FRAS1: variants seen among roughly 807,000 people sequenced by gnomAD.
The protein encoded by FRAS1 is Fraser extracellular matrix complex subunit 1, also known as extracellular matrix organizing protein FRAS1.
FRAS1 carries 290 observed loss-of-function variants against 435.2 expected under a neutral mutation model. The observed-to-expected ratio is 0.67, with a 90% CI of 0.61 to 0.73. The LOEUF (loss-of-function observed/expected upper bound fraction) is 0.73, where lower values mean the gene tolerates loss of function less well. Ranked by LOEUF, FRAS1 falls within the 30% of genes least tolerant of loss-of-function variation. The probability of loss-of-function intolerance (pLI) is 0.00; values close to 1 mark genes in which losing one functional copy is unlikely to be tolerated. For synonymous variants in FRAS1, 1,800 were observed against 1,851.0 expected (o/e 0.97, Z 0.71); for missense variants, 4,860 against 5,001.5 (o/e 0.97, Z 0.85).
At chr4:78,144,975 A>G (rs894784598) in intron 2 of FRAS1, among the ~76,000 whole-genome samples, 9 of 152,206 alleles carry the variant, frequency 5.9e-5, no homozygotes, top group African/African-American at 1.4e-4. Flanking sequence ...TTCTTAGGAT[A>G]AATACCTGGA....
In FRAS1 at chr4:78,400,952, A is replaced by G. The variant is rs1732869292; in HGVS notation, c.4129+65A>G. On this transcript the variant is annotated intron_variant, in intron 30 of 73. Coordinates refer to ENST00000512123, the MANE Select transcript of FRAS1 (RefSeq NM_025074.7). ...TCAGCAGTCTAGGGTTTGCTACTGT[A>G]TAGTGCCATGTGGCAAGATTGCAAT... 3.4e-6 allele frequency: 5 copies of G among 1,478,952 alleles called. No individual in the cohort carries two copies. The Admixed American group carries it at 6.1e-5, about 18-fold the overall frequency. 91.6% of individuals were successfully genotyped at this position (1,478,952 alleles called of 1,614,324 possible).
At chr4:78,482,355 C>G (rs773564346) in intron 57 of FRAS1, 33 bp from the exon 58 acceptor site, 2 of 1,613,256 alleles carry the variant, frequency 1.2e-6, no homozygotes, top group African/African-American at 2.7e-5. Flanking sequence ...GATGGTGGGT[C>G]CTCTGTCAAG....
intron 70 of FRAS1, among the ~76,000 whole-genome samples, chr4:78,527,913 T>C (rs10030467): frequency 0.52 from 79,251 of 151,878 alleles, 20,789 homozygotes; most frequent in South Asian, 0.59. Context: ...GAGCCAGATA[T>C]TTGAGCGGGG....
chr4:78,228,313 CACATGTTTT>C (rs1724359644), intron 2 of FRAS1, among the ~76,000 whole-genome samples: 1 of 152,104 alleles, frequency 6.6e-6, no homozygotes, highest in South Asian at 2.1e-4. Context: ...AAAGATGAGG[CACATGTTTT>C]ACTCATAATG....
At position 78,432,457 on chromosome 4, in the gene FRAS1, T is replaced by C. The variant is rs979274891; in HGVS notation, c.5070T>C (p.Asp1690=). The part of the protein sequence containing the change: ...REDSMEISVT[D]GLTVTMLEVR... Reference sequence around the variant, plus strand: ...ACAGCATGGAGATCTCAGTCACAGATGGCCTCACAGTGACAATGCTGGAGG... The same window carrying C: ...ACAGCATGGAGATCTCAGTCACAGACGGCCTCACAGTGACAATGCTGGAGG... Residue 1690 remains aspartate (D), a synonymous_variant, in exon 38 of 74, where the codon GAT becomes GAC. Transcript: ENST00000512123. 2.5e-6 allele frequency: 4 copies of C among 1,613,392 alleles called. No individual in the cohort carries two copies. The highest frequency in any genetic ancestry group is 3.4e-6 in the Non-Finnish European group (4 of 1,179,678).
intron 20 of FRAS1, among the ~76,000 whole-genome samples, chr4:78,346,357 A>C (rs1481183157): frequency 1.3e-5 from 2 of 152,214 alleles, no homozygotes; most frequent in Non-Finnish European, 2.9e-5. Context: ...TCCTGTGATT[A>C]GTACCATCTG....
In FRAS1 at chr4:78,482,392, G is replaced by A. The variant is rs1720036417; in HGVS notation, c.8609G>A (p.Cys2870Tyr). 3 of 1,613,616 alleles carry A rather than the reference G, an allele frequency of 1.9e-6. No homozygotes were observed. The African/African-American group carries it at 4.0e-5, about 22-fold the overall frequency. ...TTGCTTTGGTTTCTCTTCTAGTATTGCACCTTGACTATCTTGGATGACACT... is the reference window on the plus strand; with the variant it reads ...TTGCTTTGGTTTCTCTTCTAGTATTACACCTTGACTATCTTGGATGACACT... ...EFGPGVIEQY[C>Y]TLTILDDTQY... Residue 2870 changes from cysteine (C) to tyrosine (Y), a missense_variant, in exon 58 of 74, where the codon TGC becomes TAC. Physicochemically the swap from Cys to Tyr is radical, Grantham distance 194. Coordinates refer to ENST00000512123, the MANE Select transcript of FRAS1 (RefSeq NM_025074.7).
chr4:78,504,731 G>T (rs953155689), intron 61 of FRAS1, among the ~76,000 whole-genome samples: 1 of 152,096 alleles, frequency 6.6e-6, no homozygotes, highest in Non-Finnish European at 1.5e-5. Context: ...TACATTTAAG[G>T]TTAATATTGT....
intron 15 of FRAS1, among the ~76,000 whole-genome samples, chr4:78,308,426 A>G (rs1728881118): frequency 6.6e-6 from 1 of 152,210 alleles, no homozygotes; most frequent in African/African-American, 2.4e-5. Context: ...TGGGGTGCTC[A>G]TTCTAGCCTT....
At chr4:78,085,795 A>C (rs1741127429) in intron 2 of FRAS1, among the ~76,000 whole-genome samples, 1 of 152,160 alleles carries the variant, frequency 6.6e-6, no homozygotes, top group Admixed American at 6.5e-5. Context: ...GTGACATACA[A>C]AGAGACTTAG....
intron 2 of FRAS1, among the ~76,000 whole-genome samples, chr4:78,076,506 T>G (rs1006270723): frequency 6.6e-6 from 1 of 152,220 alleles, no homozygotes; most frequent in African/African-American, 2.4e-5. Context: ...GAAGCCTGAT[T>G]ATTTTGTATA....
At chr4:78,533,428 G>T (rs373041491) in intron 70 of FRAS1, among the ~76,000 whole-genome samples, 2 of 152,346 alleles carry the variant, frequency 1.3e-5, no homozygotes, top group African/African-American at 4.8e-5. Flanking sequence ...AGAAATGGAG[G>T]GAAGGGGAAG....
chr4:78,371,083 G>GGTTTTTTTTTTTTTTTTTTT (rs1456015210), intron 23 of FRAS1, among the ~76,000 whole-genome samples: 1 of 127,402 alleles, frequency 7.8e-6, no homozygotes. Context: ...TTTTTTTTCT[G>GGTTTTTTTTTTTTTTTTTTT]TTTTTTTGTT....
chr4:78,471,419 T>C (rs76204145), intron 51 of FRAS1, among the ~76,000 whole-genome samples: 1,813 of 152,118 alleles, frequency 0.012, 31 homozygotes, highest in African/African-American at 0.042. Flanking sequence ...TCCCCTGTGC[T>C]CTATTTGATC....
At chr4:78,159,673 G>T (rs1721051833) in intron 2 of FRAS1, among the ~76,000 whole-genome samples, 1 of 152,106 alleles carries the variant, frequency 6.6e-6, no homozygotes, top group African/African-American at 2.4e-5. Context: ...TTGAGGTCAG[G>T]AATTCGAGAC....
chr4:78,286,711 A>G (rs948929989), intron 14 of FRAS1, among the ~76,000 whole-genome samples, 172 bp downstream of exon 14: 1 of 152,208 alleles, frequency 6.6e-6, no homozygotes, highest in Non-Finnish European at 1.5e-5. Flanking sequence ...GAGAAATGAT[A>G]CATGTTGAGA....
At chr4:78,455,425 G>GGA (rs1553962064) in intron 47 of FRAS1, among the ~76,000 whole-genome samples, 10 of 151,812 alleles carry the variant, frequency 6.6e-5, no homozygotes, top group African/African-American at 2.4e-4. Flanking sequence ...TGAGGAGGGA[G>GGA]GGGGTTCTGT....
intron 69 of FRAS1, among the ~76,000 whole-genome samples, chr4:78,524,088 C>G (rs996931655): frequency 6.6e-6 from 1 of 152,222 alleles, no homozygotes; most frequent in African/African-American, 2.4e-5. Flanking sequence ...CTCCCTCCTC[C>G]TGGTTCCTAC....
intron 2 of FRAS1, among the ~76,000 whole-genome samples, chr4:78,150,214 TG>T (rs1164302114): frequency 4.6e-5 from 7 of 152,194 alleles, no homozygotes; most frequent in African/African-American, 1.7e-4. Flanking sequence ...CAAAGGAAAT[TG>T]AAATGTCAGT....
Sources: allele counts gnomAD v4.1 joint callset (sites outside exome capture counted in the v4.1 genomes callset), GRCh38; gene constraint gnomAD v4.1.1; transcripts MANE v1.5; gene names NCBI Gene and HGNC (gene_info 2026-07-23, HGNC 2026-07-21).